The following STKLD1 variants were observed in gnomAD, a reference collection of about 807,000 sequenced individuals.
The protein encoded by STKLD1 is serine/threonine kinase-like domain-containing protein STKLD1.
Under a neutral mutation model 80.4 loss-of-function variants are expected in STKLD1, and 79 were observed. The ratio of observed to expected loss-of-function variants is 0.98; its 90% CI spans 0.82 to 1.19. The LOEUF (loss-of-function observed/expected upper bound fraction) is 1.19, where lower values mean the gene tolerates loss of function less well. Among genes scored for constraint, STKLD1 ranks in the 50% most tolerant of loss-of-function variants. The probability of loss-of-function intolerance (pLI) is 0.00; values close to 1 mark genes in which losing one functional copy is unlikely to be tolerated. For missense variants in STKLD1, 841 were observed against 856.0 expected, an observed-to-expected ratio of 0.98 and a Z score of 0.22; for synonymous variants, 393 against 357.6, an observed-to-expected ratio of 1.10 and a Z score of -1.12.
Position 133,383,855 on chromosome 9 carries a change from G to A in STKLD1, c.175-1G>A, listed in dbSNP as rs2130271167. 6 of 1,613,926 alleles carry A rather than the reference G, an allele frequency of 3.7e-6. No homozygotes were observed. The highest frequency in any genetic ancestry group is 5.1e-6 in the Non-Finnish European group (6 of 1,179,886). ...AAGCTCATGCTCTTGTGCCCTTGCA[G>A]GTGGAATGCATGGATGACCATTACG... is the stretch of plus-strand genomic sequence containing the variant. On this transcript the variant is annotated splice_acceptor_variant, in intron 2 of 17. Coordinates refer to ENST00000371957, the MANE Select transcript of STKLD1 (RefSeq NM_153710.5). LOFTEE classifies it high-confidence loss of function.
chr9:133,382,478 ATGG>A (rs1306517002), intron 2 of STKLD1, among the ~76,000 whole-genome samples: 2 of 151,652 alleles, frequency 1.3e-5, no homozygotes, highest in Non-Finnish European at 2.9e-5. Flanking sequence ...GGTGGCAATG[ATGG>A]TGGTAGTGGT....
intron 1 of STKLD1, among the ~76,000 whole-genome samples, chr9:133,377,042 A>G (rs1837988689): frequency 6.6e-6 from 1 of 152,262 alleles, no homozygotes; most frequent in Non-Finnish European, 1.5e-5. Flanking sequence ...TATACACTTT[A>G]TTAAATGTTA....
chr9:133,402,792 T>C, intron 13 of STKLD1, 86 bp from the exon 14 acceptor site: 2 of 1,448,292 alleles, frequency 1.4e-6, no homozygotes, highest in Non-Finnish European at 1.9e-6. Context: ...GCAGGTCAAA[T>C]GGGACTGCAG....
At chr9:133,391,390 C>T (rs976689513) in intron 7 of STKLD1, among the ~76,000 whole-genome samples, 4 of 151,188 alleles carry the variant, frequency 2.6e-5, no homozygotes, top group African/African-American at 9.8e-5. Context: ...GAGAACGGGC[C>T]ATGATGGCAA....
At chr9:133,378,413 GCCATCTCT>G (rs139180521) in intron 1 of STKLD1, among the ~76,000 whole-genome samples, 1,903 of 152,278 alleles carry the variant, frequency 0.012, 30 homozygotes, top group African/African-American at 0.036. Flanking sequence ...TGGCTTGGTG[GCCATCTCT>G]CCAGATTTGG....
At position 133,390,631 on chromosome 9, in the gene STKLD1, G is replaced by C; in HGVS notation, c.468-50G>C. On this transcript the variant is annotated intron_variant, in intron 6 of 17. Coordinates refer to ENST00000371957, the MANE Select transcript of STKLD1 (RefSeq NM_153710.5). The surrounding 1 kb of genome is among the most constrained non-coding windows in gnomAD (Gnocchi z 5.1). ...CCACCTGGGGTTGTGGGTGGTGGCTGCCCAGGTGGCCCCTTGGCATCCAGA... is the reference window on the plus strand; with the variant it reads ...CCACCTGGGGTTGTGGGTGGTGGCTCCCCAGGTGGCCCCTTGGCATCCAGA... 7.0e-7 allele frequency: 1 copy of C among 1,436,556 alleles called. No homozygotes were observed. Among genetic ancestry groups the C allele is most frequent in the Non-Finnish European group, 9.8e-7 (1 of 1,020,822 alleles). The allele number at this position is 1,436,556 out of a possible 1,614,324, so 89.0% of individuals were successfully genotyped here. A position where few individuals can be genotyped will look rare whatever the true frequency, so the allele number is the denominator to read the frequency against.
At chr9:133,404,749 G>A in intron 16 of STKLD1, 40 bp from the exon 17 acceptor site, 2 of 1,603,572 alleles carry the variant, frequency 1.2e-6, no homozygotes, top group South Asian at 1.1e-5. Flanking sequence ...TCCCTTTCAG[G>A]GGAAAGCAGG....
chr9:133,383,887 A>G lies in STKLD1; in HGVS notation c.206A>G (p.Gln69Arg), dbSNP rs1838208039. ...TGCATGGATGACCATTACGCCAGTC[A>G]GGCCCTGGAGGAGGTAACTCTCAGG... ...VECMDDHYAS[Q>R]ALEELMPLLK... is the part of the protein sequence containing the mutation. Residue 69 changes from glutamine (Q) to arginine (R), a missense_variant, in exon 3 of 18, where the codon CAG becomes CGG. Physicochemically the swap from Gln to Arg is conservative, Grantham distance 43 (BLOSUM62 1). Coordinates refer to ENST00000371957, the MANE Select transcript of STKLD1 (RefSeq NM_153710.5). The G allele has an allele frequency of 6.2e-7, 1 of 1,613,884 alleles. No homozygotes were observed. Among genetic ancestry groups the G allele is most frequent in the Admixed American group, 1.7e-5 (1 of 59,970 alleles).
At chr9:133,383,376 GGT>G (rs1838193813) in intron 2 of STKLD1, among the ~76,000 whole-genome samples, 1 of 86,924 alleles carries the variant, frequency 1.2e-5, no homozygotes, top group Non-Finnish European at 2.3e-5. Context: ...CAGTGATGAT[GGT>G]AATGATGGTA....
At chr9:133,387,952 T>C (rs945638489) in intron 5 of STKLD1, 1 of 425,130 alleles carries the variant, frequency 2.4e-6, no homozygotes, top group African/African-American at 2.0e-5. Flanking sequence ...ATGTGTTCAT[T>C]GCTTGCTGCC....
rs2130259400 is a variant in STKLD1, at chr9:133,379,041, G to A, written c.93G>A (p.Leu31=). 5.1e-4 allele frequency: 816 copies of A among 1,613,744 alleles called. 6 individuals carry two copies. In the East Asian group the frequency reaches 0.016, roughly 31 times the overall value. The change falls in exon 2 of 18, where the codon TTG becomes TTA. Residue 31 remains leucine, a synonymous_variant. Coordinates refer to ENST00000371957, the MANE Select transcript of STKLD1 (RefSeq NM_153710.5). ...PGEPMEKYQV[L]YQLNPGALGV... Reference sequence around the variant, plus strand: ...TCTCTCTTCCTTGCTGATAGGTTTTGTACCAGCTGAATCCTGGGGCCTTGG... The same window carrying A: ...TCTCTCTTCCTTGCTGATAGGTTTTATACCAGCTGAATCCTGGGGCCTTGG...
Position 133,387,619 on chromosome 9 carries a change from A to G in STKLD1, c.396+71A>G. The G allele has an allele frequency of 4.8e-6, 6 of 1,239,614 alleles. No individual in the cohort carries two copies. The South Asian group carries it at 7.2e-5, about 15-fold the overall frequency. 76.8% of individuals were successfully genotyped at this position (1,239,614 alleles called of 1,614,324 possible). ...GACACAGGCCCTGCGGTGCAGGGCA[A>G]AGTAACAGCGGGAGGGCAGGCACCA... On this transcript the variant is annotated intron_variant, in intron 5 of 17. Transcript: ENST00000371957.
At chr9:133,386,216 A>C (rs1460874553) in intron 4 of STKLD1, among the ~76,000 whole-genome samples, 1 of 152,116 alleles carries the variant, frequency 6.6e-6, no homozygotes, top group Non-Finnish European at 1.5e-5. Flanking sequence ...ACCACGCCTG[A>C]CCAGGAGGGG....
chr9:133,395,787 T>TA, intron 9 of STKLD1, 24 bp downstream of exon 9: 2 of 1,609,746 alleles, frequency 1.2e-6, no homozygotes, highest in South Asian at 2.2e-5. Flanking sequence ...CGGGGTTTAT[T>TA]TTAACCTGTG....
In STKLD1 at chr9:133,399,166, A is replaced by G. The variant is rs587626512; in HGVS notation, c.1081+1111A>G. Among the ~76,000 whole-genome samples, 3 of 152,312 alleles carry G rather than the reference A, an allele frequency of 2.0e-5. No individual in the cohort carries two copies. In the East Asian group the frequency reaches 5.8e-4, roughly 29 times the overall value. ...ACCGTGCTCGGCCAATTTTTAAAAC[A>G]TTTGTGCCAAAACATGCTTTCATAA... On this transcript the variant is annotated intron_variant, in intron 11 of 17. Coordinates refer to ENST00000371957, the MANE Select transcript of STKLD1 (RefSeq NM_153710.5).
chr9:133,405,343 C>G lies in STKLD1; in HGVS notation c.1965C>G (p.Ser655Arg). ...ERFTSSLVSDSSAFSKPGLPP... is the reference protein window; with the variant it reads ...ERFTSSLVSDRSAFSKPGLPP... Reference sequence around the variant, plus strand: ...TCACCTCCAGCCTGGTGAGTGACAGCAGCGCCTTCAGCAAACCAGGCCTCC... The same window carrying G: ...TCACCTCCAGCCTGGTGAGTGACAGGAGCGCCTTCAGCAAACCAGGCCTCC... The change falls in exon 18 of 18, where the codon AGC (serine) becomes AGG (arginine). Residue 655 changes from serine (S) to arginine (R), a missense_variant. Coordinates refer to ENST00000371957, the MANE Select transcript of STKLD1 (RefSeq NM_153710.5). 3 of 1,612,752 alleles carry G rather than the reference C, an allele frequency of 1.9e-6. No homozygotes were observed. The African/African-American group carries it at 4.0e-5, about 21-fold the overall frequency.
chr9:133,398,015 G>C lies in STKLD1; in HGVS notation c.1041G>C (p.Arg347Ser). Residue 347 changes from arginine (R) to serine (S), a missense_variant, in exon 11 of 18, where the codon AGG becomes AGC. By Grantham distance (110) the Arg-to-Ser change is moderately radical. Coordinates refer to ENST00000371957, the MANE Select transcript of STKLD1 (RefSeq NM_153710.5). Reference sequence around the variant, plus strand: ...CTGGCTGGCCCGAAGTCCAGCTCAGGGCCATGAAGAGGCTTCTGAAAATGC... The same window carrying C: ...CTGGCTGGCCCGAAGTCCAGCTCAGCGCCATGAAGAGGCTTCTGAAAATGC... ...KFSGWPEVQL[R>S]AMKRLLKMPA... 6.2e-7 allele frequency: 1 copy of C among 1,613,638 alleles called. No homozygotes were observed. Among genetic ancestry groups the C allele is most frequent in the Non-Finnish European group, 8.5e-7 (1 of 1,179,918 alleles).
At position 133,403,635 on chromosome 9, in the gene STKLD1, T is replaced by C. The variant is rs980388050; in HGVS notation, c.1475-65T>C. The stretch of plus-strand genomic sequence containing the variant: ...CTGGAGGAAGGCAGCAGATGGGGGA[T>C]GGGAAGGCCCCCCTGCACACACCCA... On this transcript the variant is annotated intron_variant, in intron 14 of 17. Transcript: ENST00000371957. 7 of 1,556,188 alleles carry C rather than the reference T, an allele frequency of 4.5e-6. No homozygotes were observed. In the African/African-American group the frequency reaches 5.5e-5, roughly 12 times the overall value.
chr9:133,403,055 C>T (rs782569536), intron 14 of STKLD1, 43 bp downstream of exon 14: 41 of 1,526,788 alleles, frequency 2.7e-5, no homozygotes, highest in Non-Finnish European at 3.4e-5. Context: ...GCTGGCAGCC[C>T]TCCCCCAGCC....
Sources: allele counts gnomAD v4.1 joint callset (sites outside exome capture counted in the v4.1 genomes callset), GRCh38; gene constraint gnomAD v4.1.1; non-coding constraint Gnocchi (gnomAD v3.1); transcripts MANE v1.5; gene names NCBI Gene and HGNC (gene_info 2026-07-23, HGNC 2026-07-21).